Variants in STK4 observed in about 807,000 individuals in gnomAD.
STK4 encodes serine/threonine-protein kinase 4.
STK4 carries 30 observed loss-of-function variants against 64.9 expected under a neutral mutation model. The ratio of observed to expected loss-of-function variants is 0.46; its 90% confidence interval spans 0.35 to 0.63. STK4 has a LOEUF of 0.63. STK4 is among the 20% of genes least tolerant of loss of function. The pLI is 0.01. For synonymous variants in STK4, 177 were observed against 199.0 expected (o/e 0.89, Z 0.93); for missense variants, 466 against 598.5 (o/e 0.78, Z 2.31).
chr20:45,043,004 C>G (rs1246750972), intron 10 of STK4, among the ~76,000 whole-genome samples: 1 of 152,076 alleles, frequency 6.6e-6, no homozygotes, highest in Admixed American at 6.5e-5. Context: ...TCCCTCCTCC[C>G]AAGCCCCCAC....
At chr20:44,983,020 G>A (rs1238352824) in intron 4 of STK4, among the ~76,000 whole-genome samples, 1 of 152,114 alleles carries the variant, frequency 6.6e-6, no homozygotes, top group African/African-American at 2.4e-5. Flanking sequence ...CTCAAATGAC[G>A]AAAAGGAGCT....
rs188840012 is a variant in STK4, at chr20:44,995,379, A to G, written c.693+122A>G. 2.1e-4 allele frequency: 250 copies of G among 1,194,106 alleles called. 2 individuals carry two copies. The Middle Eastern group carries it at 3.0e-3, about 14-fold the overall frequency. The allele number at this position is 1,194,106 out of a possible 1,614,324, so 74.0% of individuals were successfully genotyped here. A position where few individuals can be genotyped will look rare whatever the true frequency, so the allele number is the denominator to read the frequency against. ...CCAGCACTTTGGGAGGCTGAGGTGG[A>G]TGGATCACCAGAGGTCAGGAGTTTG... On this transcript the variant is annotated intron_variant, in intron 6 of 10. Coordinates refer to ENST00000372806, the MANE Select transcript of STK4 (RefSeq NM_006282.5).
intron 1 of STK4, among the ~76,000 whole-genome samples, chr20:44,968,328 G>T (rs1295811317): frequency 1.3e-5 from 2 of 152,140 alleles, no homozygotes; most frequent in Admixed American, 1.3e-4. Flanking sequence ...TAGTAGAGAC[G>T]GGGTTTCACC....
intron 4 of STK4, among the ~76,000 whole-genome samples, chr20:44,983,819 A>G (rs1226340170): frequency 6.6e-6 from 1 of 152,184 alleles, no homozygotes; most frequent in African/African-American, 2.4e-5. Flanking sequence ...GTGCTACACA[A>G]ATTATAAGGT....
At chr20:45,012,225 A>G (rs568426409) in intron 9 of STK4, among the ~76,000 whole-genome samples, 119 of 152,084 alleles carry the variant, frequency 7.8e-4, no homozygotes, top group Non-Finnish European at 1.4e-3. Flanking sequence ...TAGTAGAGAT[A>G]GGGTTTCACT....
intron 4 of STK4, 105 bp from the exon 5 acceptor site, chr20:44,987,027 A>G (rs2067541105): frequency 2.2e-6 from 2 of 929,870 alleles, no homozygotes; most frequent in Non-Finnish European, 1.6e-6. Context: ...CACAGGTTGA[A>G]TAAGATCTGT....
At chr20:45,072,767 G>C (rs1429480424) in intron 10 of STK4, among the ~76,000 whole-genome samples, 1 of 152,164 alleles carries the variant, frequency 6.6e-6, no homozygotes, top group East Asian at 1.9e-4. Context: ...GCTTGAATTA[G>C]AGGTTACAGA....
rs556783531 is a variant in STK4 at position 45,058,994 on chromosome 20, A to G, written c.1306-16024A>G. ...CCTTAAGTGTGAAATTTATACACCA[A>G]TTTAAAACTACAGTGTCCCCCTTGT... is the stretch of plus-strand genomic sequence containing the variant. On this transcript the variant is annotated intron_variant, in intron 10 of 10. Transcript: ENST00000372806. Among the ~76,000 whole-genome samples, 18 of 152,276 alleles carry G rather than the reference A, an allele frequency of 1.2e-4. 1 individual carries two copies. Among genetic ancestry groups the G allele is most frequent in the Middle Eastern group, 3.4e-3 (1 of 294 alleles).
chr20:44,998,684 G>A (rs961889670), intron 7 of STK4, among the ~76,000 whole-genome samples: 1 of 152,176 alleles, frequency 6.6e-6, no homozygotes, highest in African/African-American at 2.4e-5. Context: ...CTTTCAACGT[G>A]CAGTTACTTC....
intron 4 of STK4, among the ~76,000 whole-genome samples, 168 bp from the exon 5 acceptor site, chr20:44,986,964 T>G (rs2067540044): frequency 6.6e-6 from 1 of 152,122 alleles, no homozygotes; most frequent in African/African-American, 2.4e-5. Flanking sequence ...GGTATGGAAA[T>G]ATAGCCTTGG....
intron 1 of STK4, among the ~76,000 whole-genome samples, chr20:44,970,823 T>G (rs982666532): frequency 4.6e-5 from 7 of 152,026 alleles, no homozygotes; most frequent in Non-Finnish European, 8.8e-5. Context: ...GTGGTCAGGG[T>G]TTTTGTTGGT....
intron 9 of STK4, among the ~76,000 whole-genome samples, chr20:45,011,735 T>TATATATATATATATATATATATATATATA (rs2068054023): frequency 1.2e-5 from 1 of 83,870 alleles, no homozygotes; most frequent in African/African-American, 5.4e-5. Context: ...ATATATTTTT[T>TATATATATATATATATATATATATATATA]TTTTTTTTTT....
rs1289152715 is a variant in STK4 at position 45,000,397 on chromosome 20, A to G, written c.837A>G (p.Pro279=). ...TTTCTACTTTGTTCTTTTAGCACCC[A>G]TTTGTCAGGAGTGCCAAAGGAGTGT... is the stretch of plus-strand genomic sequence containing the variant. ...RATATQLLQH[P]FVRSAKGVSI... The change falls in exon 8 of 11, where the codon CCA becomes CCG. Residue 279 remains proline (P), a synonymous_variant. Transcript: ENST00000372806. 2.5e-6 allele frequency: 4 copies of G among 1,613,476 alleles called. No homozygotes were observed. In the Admixed American group the frequency reaches 5.0e-5, roughly 20 times the overall value.
At chr20:45,032,842 C>T (rs141443969) in intron 10 of STK4, among the ~76,000 whole-genome samples, 2 of 152,224 alleles carry the variant, frequency 1.3e-5, no homozygotes, top group Non-Finnish European at 1.5e-5. Context: ...TTTGAGAAAT[C>T]GACACATGGC....
At chr20:45,048,277 A>C (rs1278541021) in intron 10 of STK4, among the ~76,000 whole-genome samples, 2 of 152,204 alleles carry the variant, frequency 1.3e-5, no homozygotes, top group African/African-American at 2.4e-5. Flanking sequence ...AGTTATTGAG[A>C]AGATTAATTT....
intron 1 of STK4, among the ~76,000 whole-genome samples, chr20:44,971,408 T>G (rs1190781127): frequency 6.6e-6 from 1 of 152,184 alleles, no homozygotes. Context: ...CTTTCCACTT[T>G]CTGTTTCTGT....
intron 10 of STK4, among the ~76,000 whole-genome samples, chr20:45,045,523 A>G (rs6103986): frequency 0.067 from 10,201 of 152,284 alleles, 1,115 homozygotes; most frequent in African/African-American, 0.23. Context: ...AACATGTGAT[A>G]GGGACTACAG....
intron 10 of STK4, chr20:45,052,977 T>C: frequency 1.2e-6 from 1 of 802,068 alleles, no homozygotes; most frequent in Non-Finnish European, 2.0e-6. Context: ...GGGTACACTA[T>C]TTTTGTTTCA....
Position 45,008,110 on chromosome 20 carries a change from G to A in STK4, c.1147+6757G>A, listed in dbSNP as rs187915535. ...TGCTCTGTCGCCCAGGCTGGAGTGC[G>A]TTGGCACGACCTCGACTCACTGCAA... is the stretch of plus-strand genomic sequence containing the variant. On this transcript the variant is annotated intron_variant, in intron 9 of 10. Coordinates refer to ENST00000372806, the MANE Select transcript of STK4 (RefSeq NM_006282.5). Among the ~76,000 whole-genome samples the A allele has an allele frequency of 3.8e-3, 584 of 152,228 alleles. 4 individuals are homozygous for A. Among genetic ancestry groups the A allele is most frequent in the South Asian group, 0.022 (104 of 4,826 alleles).
Sources: allele counts gnomAD v4.1 joint callset (sites outside exome capture counted in the v4.1 genomes callset), GRCh38; gene constraint gnomAD v4.1.1; transcripts MANE v1.5; gene names NCBI Gene and HGNC (gene_info 2026-07-23, HGNC 2026-07-21).